Variants in XYLT1 observed in about 807,000 individuals in gnomAD.
The protein encoded by XYLT1 is xylosyltransferase 1.
XYLT1 carries 36 observed loss-of-function variants against 91.3 expected under a neutral mutation model. The observed-to-expected ratio is 0.39, with a 90% CI of 0.30 to 0.52. XYLT1 has a LOEUF of 0.52. XYLT1 is among the 20% of genes least tolerant of loss of function. The pLI is 0.68. For missense variants in XYLT1, 1,242 were observed against 1,284.5 expected (o/e 0.97, Z 0.51); for synonymous variants, 588 against 532.0 (o/e 1.11, Z -1.45).
chr16:17,136,134 T>A (rs543452709), intron 8 of XYLT1, among the ~76,000 whole-genome samples: 1 of 152,194 alleles, frequency 6.6e-6, no homozygotes, highest in East Asian at 1.9e-4. Flanking sequence ...AATGGACTTA[T>A]GTCATTACCT....
chr16:17,469,898 G>A (rs1203705770), intron 1 of XYLT1, among the ~76,000 whole-genome samples: 6 of 152,166 alleles, frequency 3.9e-5, no homozygotes, highest in African/African-American at 1.4e-4. Context: ...CAGACACCCC[G>A]GACTGAGTAT....
chr16:17,253,823 TGAGAGAGAGAGA>T (rs3060128), intron 3 of XYLT1, among the ~76,000 whole-genome samples: 32 of 114,886 alleles, frequency 2.8e-4, no homozygotes, highest in East Asian at 2.5e-3. Flanking sequence ...CCTTGCAACT[TGAGAGAGAGAGA>T]GAGAGAGAGA....
chr16:17,412,185 A>T (rs1227825207), intron 1 of XYLT1, among the ~76,000 whole-genome samples: 2 of 152,098 alleles, frequency 1.3e-5, no homozygotes, highest in Non-Finnish European at 2.9e-5. Flanking sequence ...CGCTCCGCAC[A>T]GCTCCTGGGG....
intron 5 of XYLT1, among the ~76,000 whole-genome samples, chr16:17,171,665 A>C (rs1190448680): frequency 6.6e-6 from 1 of 152,258 alleles, no homozygotes; most frequent in Non-Finnish European, 1.5e-5. Context: ...AACTTCAGAA[A>C]TGATTTAAAT....
chr16:17,268,955 G>A (rs1206021962), intron 2 of XYLT1, among the ~76,000 whole-genome samples: 2 of 152,102 alleles, frequency 1.3e-5, no homozygotes, highest in African/African-American at 2.4e-5. Context: ...TTACAGGCGT[G>A]AGCCACTGCG....
Position 17,176,040 on chromosome 16 carries a change from C to CAAAA in XYLT1, c.1290-17135_1290-17132dup, listed in dbSNP as rs10635873. Among the ~76,000 whole-genome samples the CAAAA allele has an allele frequency of 7.8e-3, 1,164 of 148,998 alleles. 16 individuals carry two copies. The highest frequency in any genetic ancestry group is 0.026 in the African/African-American group (1,038 of 40,646). On this transcript the variant is annotated intron_variant, in intron 5 of 11. Transcript: ENST00000261381. ...AGATGTTTTTAATAAATGGGGAATG[C>CAAAA]AAAAAAAAAATGCGGTAAAATATCA...
intron 1 of XYLT1, among the ~76,000 whole-genome samples, chr16:17,437,788 A>T (rs1333345886): frequency 6.6e-6 from 1 of 152,174 alleles, no homozygotes; most frequent in South Asian, 2.1e-4. Context: ...TGGCAAGTTT[A>T]AAAAATACAG....
At chr16:17,304,654 A>G (rs2034445812) in intron 2 of XYLT1, among the ~76,000 whole-genome samples, 1 of 150,328 alleles carries the variant, frequency 6.7e-6, no homozygotes, top group South Asian at 2.1e-4. Flanking sequence ...CACAGTTAAG[A>G]TTTTTTTTTT....
At position 17,258,959 on chromosome 16, in the gene XYLT1, C is replaced by G. The variant is rs117382759; in HGVS notation, c.913+29G>C. 0.014 allele frequency: 21,245 copies of G among 1,485,242 alleles called. 559 individuals carry two copies. The highest frequency in any genetic ancestry group is 0.13 in the Admixed American group (5,508 of 41,686). 92.0% of individuals were successfully genotyped at this position (1,485,242 alleles called of 1,614,324 possible). On this transcript the variant is annotated intron_variant, in intron 3 of 11. Coordinates refer to ENST00000261381, the MANE Select transcript of XYLT1 (RefSeq NM_022166.4). ...GGAGGAGGAAGTGGCCAGGAGATCC[C>G]TCTCTGAGCCAGCGGGGTTGGAACT...
Position 17,440,789 on chromosome 16 carries a change from C to A in XYLT1, c.363+29645G>T, listed in dbSNP as rs184483147. On this transcript the variant is annotated intron_variant, in intron 1 of 11. Coordinates refer to ENST00000261381, the MANE Select transcript of XYLT1 (RefSeq NM_022166.4). ...TGCTCTCTGCTACGATCTATAATAA[C>A]CCAGGCTGGAGAAGTCCAGTAGGGG... 7.9e-3 allele frequency among the ~76,000 whole-genome samples: 1,201 copies of A among 152,264 alleles called. 8 individuals are homozygous for A. The highest frequency in any genetic ancestry group is 0.031 in the Middle Eastern group (9 of 294).
intron 9 of XYLT1, among the ~76,000 whole-genome samples, chr16:17,132,381 G>T (rs1047586251): frequency 3.9e-5 from 6 of 152,094 alleles, no homozygotes; most frequent in African/African-American, 1.5e-4. Flanking sequence ...ACTTGAGAAG[G>T]GGTGGCTGTG....
In XYLT1 at chr16:17,104,567, A is replaced by C. The variant is rs1966749246; in HGVS notation, c.*4128T>G. 1 of 151,988 alleles carries C rather than the reference A, an allele frequency of 6.6e-6. No homozygotes were observed. The allele number at this position is 151,988 out of a possible 1,614,324, so 9.4% of individuals were successfully genotyped here. A position where few individuals can be genotyped will look rare whatever the true frequency, so the allele number is the denominator to read the frequency against. Reference sequence around the variant, plus strand: ...GCAATGCATAATCTCACTTTAAACCACCTCTCCAGAGAGCAGAGGTTGCTG... The same window carrying C: ...GCAATGCATAATCTCACTTTAAACCCCCTCTCCAGAGAGCAGAGGTTGCTG... On this transcript the variant is annotated 3_prime_UTR_variant, in exon 12 of 12. Coordinates refer to ENST00000261381, the MANE Select transcript of XYLT1 (RefSeq NM_022166.4).
chr16:17,254,426 G>T (rs879322661), intron 3 of XYLT1, among the ~76,000 whole-genome samples: 2 of 151,780 alleles, frequency 1.3e-5, no homozygotes, highest in East Asian at 3.9e-4. Flanking sequence ...ACAGAGTCCC[G>T]CCCTGTTGCC....
At chr16:17,138,642 A>AAAAG (rs1320024873) in intron 7 of XYLT1, 111 bp from the exon 8 acceptor site, 2 of 1,323,834 alleles carry the variant, frequency 1.5e-6, no homozygotes, top group Non-Finnish European at 2.1e-6. Context: ...CTGGTTGTTT[A>AAAAG]AAAGAATGTG....
At chr16:17,157,398 CAG>C (rs35983034) in intron 6 of XYLT1, among the ~76,000 whole-genome samples, 60,181 of 151,882 alleles carry the variant, frequency 0.4, 14,488 homozygotes, top group Non-Finnish European at 0.53. Flanking sequence ...AGATTACAAA[CAG>C]AGATGTGGTC....
chr16:17,340,088 C>T (rs1043250713), intron 2 of XYLT1, among the ~76,000 whole-genome samples: 2 of 152,018 alleles, frequency 1.3e-5, no homozygotes. Flanking sequence ...ACCTCTCTAT[C>T]CATCTGCCCA....
At chr16:17,362,354 C>G (rs1177437791) in intron 1 of XYLT1, among the ~76,000 whole-genome samples, 1 of 152,042 alleles carries the variant, frequency 6.6e-6, no homozygotes, top group African/African-American at 2.4e-5. Flanking sequence ...AGCAAGGAAC[C>G]ATGTAAAGTT....
intron 3 of XYLT1, among the ~76,000 whole-genome samples, chr16:17,255,871 G>A (rs1341888790): frequency 3.3e-5 from 5 of 152,070 alleles, no homozygotes; most frequent in Non-Finnish European, 7.3e-5. Flanking sequence ...ATCCAGGAGA[G>A]GTGGCAGGCA....
chr16:17,371,873 C>T (rs1476328936), intron 1 of XYLT1, among the ~76,000 whole-genome samples: 1 of 152,208 alleles, frequency 6.6e-6, no homozygotes, highest in Non-Finnish European at 1.5e-5. Flanking sequence ...TGTGTGTACA[C>T]ACACATATGT....
Sources: allele counts gnomAD v4.1 joint callset (sites outside exome capture counted in the v4.1 genomes callset), GRCh38; gene constraint gnomAD v4.1.1; transcripts MANE v1.5; gene names NCBI Gene and HGNC (gene_info 2026-07-23, HGNC 2026-07-21).